MAML2: variants seen among roughly 807,000 people sequenced by gnomAD.
MAML2 encodes mastermind like transcriptional coactivator 2.
Under a neutral mutation model 96.1 loss-of-function variants are expected in MAML2, and 22 were observed. The observed-to-expected ratio is 0.23, with a 90% confidence interval of 0.16 to 0.33. MAML2 has a LOEUF of 0.33. Ranked by LOEUF, MAML2 falls within the 10% of genes least tolerant of loss-of-function variation. The pLI is 1.00. For missense variants in MAML2, 1,367 were observed against 1,392.4 expected, an observed-to-expected ratio of 0.98 and a Z score of 0.29; for synonymous variants, 561 against 521.3, an observed-to-expected ratio of 1.08 and a Z score of -1.04.
chr11:96,035,118 G>A (rs906238761), intron 2 of MAML2, among the ~76,000 whole-genome samples: 2 of 152,170 alleles, frequency 1.3e-5, no homozygotes, highest in African/African-American at 4.8e-5. Context: ...AGAAGGAAAA[G>A]AATTTGCATA....
intron 1 of MAML2, among the ~76,000 whole-genome samples, chr11:96,142,724 T>A (rs1860755660): frequency 6.6e-6 from 1 of 152,218 alleles, no homozygotes. Context: ...AAAAGCAACC[T>A]AAATGCAGCA....
intron 1 of MAML2, among the ~76,000 whole-genome samples, chr11:96,279,284 G>A (rs762617864): frequency 3.3e-5 from 5 of 152,182 alleles, no homozygotes; most frequent in Non-Finnish European, 7.4e-5. Flanking sequence ...CACAGAGTGA[G>A]AAGATCCATT....
At chr11:95,994,254 A>G (rs1857957371) in intron 2 of MAML2, among the ~76,000 whole-genome samples, 1 of 152,184 alleles carries the variant, frequency 6.6e-6, no homozygotes, top group Non-Finnish European at 1.5e-5. Flanking sequence ...TTAGTAAAAA[A>G]TAATTACAGC....
intron 1 of MAML2, among the ~76,000 whole-genome samples, chr11:96,290,762 T>C (rs903856642): frequency 2.6e-5 from 4 of 152,280 alleles, no homozygotes; most frequent in African/African-American, 9.6e-5. Context: ...ATCTTCATCA[T>C]GATCCAACTC....
At chr11:95,990,718 A>G (rs148696304) in intron 3 of MAML2, among the ~76,000 whole-genome samples, 42 of 152,286 alleles carry the variant, frequency 2.8e-4, no homozygotes, top group Admixed American at 7.8e-4. Flanking sequence ...CTCTCACTAC[A>G]AAGCTCCTTG....
At chr11:96,039,886 A>G (rs1446749675) in intron 2 of MAML2, among the ~76,000 whole-genome samples, 1 of 147,474 alleles carries the variant, frequency 6.8e-6, no homozygotes, top group Non-Finnish European at 1.5e-5. Context: ...TGAACCCGGG[A>G]GGCGAAGCTT....
intron 2 of MAML2, among the ~76,000 whole-genome samples, chr11:96,030,476 A>G (rs1858595607): frequency 1.3e-5 from 2 of 152,218 alleles, no homozygotes; most frequent in Admixed American, 1.3e-4. Flanking sequence ...AAGAATAATA[A>G]CATTACAAAT....
chr11:96,262,235 CAG>C (rs1862759733), intron 1 of MAML2, among the ~76,000 whole-genome samples: 1 of 152,176 alleles, frequency 6.6e-6, no homozygotes, highest in African/African-American at 2.4e-5. Flanking sequence ...TAAATGAAGA[CAG>C]AGTTCAGTCA....
intron 1 of MAML2, among the ~76,000 whole-genome samples, chr11:96,301,482 C>A (rs978204952): frequency 1.3e-5 from 2 of 152,210 alleles, no homozygotes; most frequent in Admixed American, 6.5e-5. Context: ...TGGTTAGATT[C>A]TAGAGCAGAG....
intron 1 of MAML2, among the ~76,000 whole-genome samples, chr11:96,206,399 C>T (rs925243926): frequency 1.3e-5 from 2 of 152,124 alleles, no homozygotes; most frequent in Admixed American, 6.5e-5. Flanking sequence ...AGTTTGAGAC[C>T]AGCCTGACCA....
At chr11:96,282,013 G>A (rs1380857983) in intron 1 of MAML2, among the ~76,000 whole-genome samples, 1 of 152,104 alleles carries the variant, frequency 6.6e-6, no homozygotes, top group East Asian at 1.9e-4. Context: ...ACTTTGGGAG[G>A]CCGAGGCAGG....
chr11:96,110,707 A>G (rs1189414322), intron 1 of MAML2, among the ~76,000 whole-genome samples: 1 of 152,188 alleles, frequency 6.6e-6, no homozygotes, highest in Non-Finnish European at 1.5e-5. Flanking sequence ...ATCTTATTTA[A>G]GGAACAACAA....
At chr11:96,133,903 A>G (rs1195274764) in intron 1 of MAML2, among the ~76,000 whole-genome samples, 2 of 152,164 alleles carry the variant, frequency 1.3e-5, no homozygotes, top group East Asian at 3.9e-4. Flanking sequence ...CTGAGGTGGG[A>G]GTATCACTTG....
At chr11:96,109,280 G>A (rs1314151132) in intron 1 of MAML2, among the ~76,000 whole-genome samples, 1 of 152,172 alleles carries the variant, frequency 6.6e-6, no homozygotes, top group African/African-American at 2.4e-5. Context: ...CAGAAGTCTG[G>A]TCTGGCTTTG....
intron 1 of MAML2, among the ~76,000 whole-genome samples, chr11:96,202,490 A>G (rs188128708): frequency 3.9e-5 from 6 of 152,344 alleles, no homozygotes; most frequent in East Asian, 3.9e-4. Context: ...AATTGCTTCA[A>G]TATAATTCTT....
chr11:95,977,707 C>G lies in MAML2; in HGVS notation c.*1241G>C, dbSNP rs1419557297. ...AGTGCTCAGCCCTGAGGGACAAAAC[C>G]TGGATATGAAGAGTCCATCTAGCAT... On this transcript the variant is annotated 3_prime_UTR_variant, in exon 5 of 5. Transcript: ENST00000524717. 9.0e-6 allele frequency: 2 copies of G among 222,430 alleles called. No individual in the cohort carries two copies. Among genetic ancestry groups the G allele is most frequent in the Non-Finnish European group, 1.8e-5 (2 of 111,230 alleles). 13.8% of individuals were successfully genotyped at this position (222,430 alleles called of 1,614,324 possible). A position where few individuals can be genotyped will look rare whatever the true frequency, so the allele number is the denominator to read the frequency against.
At chr11:96,238,012 C>T (rs1233595212) in intron 1 of MAML2, among the ~76,000 whole-genome samples, 6 of 152,154 alleles carry the variant, frequency 3.9e-5, no homozygotes, top group East Asian at 3.8e-4. Context: ...TAATGCTTTC[C>T]GTGCCACCAA....
chr11:96,174,313 G>C (rs1260435441), intron 1 of MAML2, among the ~76,000 whole-genome samples: 1 of 152,164 alleles, frequency 6.6e-6, no homozygotes, highest in Non-Finnish European at 1.5e-5. Context: ...ACTCCCCCAG[G>C]ACACTGCCAT....
chr11:96,080,669 G>C (rs17234808), intron 2 of MAML2, among the ~76,000 whole-genome samples: 35,097 of 152,092 alleles, frequency 0.23, 4,552 homozygotes, highest in South Asian at 0.35. Context: ...AGTTGGCATG[G>C]TTTGCCACAT....
Sources: gnomAD v4.1 joint callset for allele counts (sites outside exome capture counted in the v4.1 genomes callset) on GRCh38, gnomAD v4.1.1 for gene constraint, MANE v1.5 for transcripts, NCBI Gene and HGNC (gene_info 2026-07-23, HGNC 2026-07-21) for gene names.